Variants in PELP1 observed in about 807,000 individuals in gnomAD.
PELP1 encodes proline-, glutamic acid- and leucine-rich protein 1.
A neutral mutation model predicts 95.5 loss-of-function variants in PELP1; 32 were observed. The observed-to-expected ratio is 0.34, with a 90% CI of 0.25 to 0.45. The LOEUF (loss-of-function observed/expected upper bound fraction) is 0.45. PELP1 is among the 20% of genes least tolerant of loss of function. The probability of loss-of-function intolerance (pLI) is 1.00; values close to 1 mark genes in which losing one functional copy is unlikely to be tolerated. For synonymous variants in PELP1, 668 were observed against 600.1 expected (o/e 1.11, Z -1.65); for missense variants, 1,358 against 1,444.8 (o/e 0.94, Z 0.97).
chr17:4,682,697 C>A, intron 4 of PELP1, 106 bp downstream of exon 4: 1 of 1,455,844 alleles, frequency 6.9e-7, no homozygotes. Context: ...TCCCTCTTCT[C>A]ACTTCTTCAA....
In PELP1 at chr17:4,673,375, G is replaced by A. The variant is rs756387443; in HGVS notation, c.1720C>T (p.Arg574Cys). Residue 574 changes from arginine to cysteine, a missense_variant, in exon 15 of 17, where the codon CGC (arginine) becomes TGC (cysteine). Transcript: ENST00000572293. The surrounding 1 kb of genome is among the most constrained non-coding windows in gnomAD (Gnocchi z 5.7). ...AGGCAGTAGAGTTCACGGCGGCAGC[G>A]GGAGCTCGTGTACGGGGAGCTGCCT... ...VLGSSPYTSS[R>C]CRRELYCLLL... 1.3e-5 allele frequency: 21 copies of A among 1,596,948 alleles called. No homozygotes were observed. The highest frequency in any genetic ancestry group is 7.9e-5 in the South Asian group (7 of 88,358).
At position 4,671,964 on chromosome 17, in the gene PELP1, C is replaced by T. The variant is rs762783333; in HGVS notation, c.3027G>A (p.Val1009=). 6.5e-7 allele frequency: 1 copy of T among 1,537,246 alleles called. No homozygotes were observed. The highest frequency in any genetic ancestry group is 8.7e-7 in the Non-Finnish European group (1 of 1,147,122). Residue 1009 remains valine, a synonymous_variant, in exon 16 of 17, where the codon GTG becomes GTA. Coordinates refer to ENST00000572293, the MANE Select transcript of PELP1 (RefSeq NM_014389.3). ...PEPEPGLLLE[V]EEPGTEEERG... The stretch of plus-strand genomic sequence containing the variant: ...GCTCCTCCTCCGTCCCTGGCTCCTC[C>T]ACTTCCAAAAGCAGCCCGGGTTCAG...
chr17:4,672,753 G>C lies in PELP1; in HGVS notation c.2238C>G (p.Pro746=). 1 of 1,613,558 alleles carries C rather than the reference G, an allele frequency of 6.2e-7. No individual in the cohort carries two copies. Among genetic ancestry groups the C allele is most frequent in the Non-Finnish European group, 8.5e-7 (1 of 1,179,682 alleles). ...EDPILAPSGT[P]PPTIPPDETF... ...TTTCATCTGGGGGTATAGTAGGTGGGGGAGTCCCACTAGGGGCAAGGATGG... is the reference window on the plus strand; with the variant it reads ...TTTCATCTGGGGGTATAGTAGGTGGCGGAGTCCCACTAGGGGCAAGGATGG... Residue 746 remains proline (P), a synonymous_variant, in exon 16 of 17, where the codon CCC becomes CCG. Coordinates refer to ENST00000572293, the MANE Select transcript of PELP1 (RefSeq NM_014389.3).
chr17:4,695,921 C>A (rs1457746056), intron 1 of PELP1, among the ~76,000 whole-genome samples: 1 of 151,456 alleles, frequency 6.6e-6, no homozygotes, highest in Non-Finnish European at 1.5e-5. Flanking sequence ...CCCACCTTGG[C>A]CTCCGAAAGT....
chr17:4,683,205 T>G (rs551578431), intron 3 of PELP1: 1 of 584,662 alleles, frequency 1.7e-6, no homozygotes, highest in Non-Finnish European at 2.4e-6. Flanking sequence ...AAAGACCTGA[T>G]TAACTGAAGA....
intron 16 of PELP1, 64 bp downstream of exon 16, chr17:4,671,627 G>A: frequency 6.2e-7 from 1 of 1,600,310 alleles, no homozygotes; most frequent in South Asian, 1.1e-5. Flanking sequence ...AGAAGCAGCT[G>A]CCACCCCTTC....
intron 5 of PELP1, among the ~76,000 whole-genome samples, chr17:4,680,711 TTG>T (rs1442451451): frequency 1.3e-5 from 2 of 152,238 alleles, no homozygotes; most frequent in African/African-American, 4.8e-5. Context: ...CTCTAGAGAT[TTG>T]TGTTTCCATC....
At chr17:4,700,520 T>G (rs1913482289) in intron 1 of PELP1, among the ~76,000 whole-genome samples, 1 of 152,094 alleles carries the variant, frequency 6.6e-6, no homozygotes, top group Non-Finnish European at 1.5e-5. Flanking sequence ...GGCAGGTGCC[T>G]GTAATCCCAG....
In PELP1 at chr17:4,672,194, C is replaced by G. The variant is rs1429951429; in HGVS notation, c.2797G>C (p.Glu933Gln). 13 of 1,552,440 alleles carry G rather than the reference C, an allele frequency of 8.4e-6. No homozygotes were observed. In the East Asian group the frequency reaches 2.9e-4, roughly 35 times the overall value. The change falls in exon 16 of 17, where the codon GAA becomes CAA. Residue 933 changes from glutamate to glutamine, a missense_variant. Physicochemically the swap from Glu to Gln is conservative, Grantham distance 29 (BLOSUM62 2). Coordinates refer to ENST00000572293, the MANE Select transcript of PELP1 (RefSeq NM_014389.3). ...EEEEEEEEFE[E>Q]EFEEEEGELE... Reference sequence around the variant, plus strand: ...TCACCTTCTTCTTCCTCAAATTCTTCCTCAAACTCTTCTTCCTCCTCTTCT... The same window carrying G: ...TCACCTTCTTCTTCCTCAAATTCTTGCTCAAACTCTTCTTCCTCCTCTTCT...
In PELP1 at chr17:4,670,023, CAT is replaced by C. The variant is rs1409865632; in HGVS notation, c.*1414_*1415del. 3.9e-5 allele frequency: 6 copies of C among 152,226 alleles called. No individual in the cohort carries two copies. Among genetic ancestry groups the C allele is most frequent in the South Asian group, 2.1e-4 (1 of 4,826 alleles). The allele number at this position is 152,226 out of a possible 1,614,324, so 9.4% of individuals were successfully genotyped here. A position where few individuals can be genotyped will look rare whatever the true frequency, so the allele number is the denominator to read the frequency against. ...CAGATATATGGGTGTAATATAGATACATGTCTACATGTAGATACGCAGTTTAT... is the reference window on the plus strand; with the variant it reads ...CAGATATATGGGTGTAATATAGATACGTCTACATGTAGATACGCAGTTTAT... On this transcript the variant is annotated 3_prime_UTR_variant, in exon 17 of 17. Coordinates refer to ENST00000572293, the MANE Select transcript of PELP1 (RefSeq NM_014389.3).
rs139357961 is a variant in PELP1, at chr17:4,694,390, G to A, written c.250-2948C>T. On this transcript the variant is annotated intron_variant, in intron 1 of 16. Transcript: ENST00000572293. ...ACTGTGGCCGGGCGCAGTGGCTCAT[G>A]CCTATAATCCCAGTACTTTGGGAGG... Among the ~76,000 whole-genome samples, 931 of 151,436 alleles carry A rather than the reference G, an allele frequency of 6.1e-3. 9 individuals are homozygous for A. Among genetic ancestry groups the A allele is most frequent in the African/African-American group, 0.021 (869 of 41,248 alleles).
intron 3 of PELP1, among the ~76,000 whole-genome samples, chr17:4,685,136 G>T (rs964379556): frequency 6.6e-6 from 1 of 151,696 alleles, no homozygotes; most frequent in Non-Finnish European, 1.5e-5. Flanking sequence ...TTCTTATCCC[G>T]TGCCAGTCTG....
At chr17:4,679,090 G>A (rs868103150) in intron 5 of PELP1, among the ~76,000 whole-genome samples, 1 of 151,554 alleles carries the variant, frequency 6.6e-6, no homozygotes. Flanking sequence ...GCAGTGCCAC[G>A]ATCTCAGCTC....
chr17:4,674,774 G>C (rs1413695702), intron 12 of PELP1, 35 bp downstream of exon 12: 4 of 1,595,702 alleles, frequency 2.5e-6, no homozygotes, highest in African/African-American at 1.3e-5. Flanking sequence ...AAAGGGCACA[G>C]GATGAGTCCT....
In PELP1 at chr17:4,672,303, CTCT is replaced by C. The variant is rs543663593; in HGVS notation, c.2685_2687del (p.Glu908del). 7,215 of 1,551,056 alleles carry C rather than the reference CTCT, an allele frequency of 4.7e-3. 21 individuals are homozygous for C. Among genetic ancestry groups the C allele is most frequent in the Non-Finnish European group, 4.8e-3 (5,463 of 1,146,524 alleles). ...CCTCTTCTTCCTCTTCTTCTTCTTC[CTCT>C]TCTTCCTCTTCCTCCTCCTCTTCAT... On this transcript the variant is annotated inframe_deletion, in exon 16 of 17. Coordinates refer to ENST00000572293, the MANE Select transcript of PELP1 (RefSeq NM_014389.3).
chr17:4,683,510 C>CTGT (rs1912789538), intron 3 of PELP1, among the ~76,000 whole-genome samples: 5 of 133,188 alleles, frequency 3.8e-5, no homozygotes, highest in African/African-American at 1.3e-4. Context: ...TGAGCCATCA[C>CTGT]GCCCAGCTGA....
chr17:4,684,981 G>A (rs903831170), intron 3 of PELP1, among the ~76,000 whole-genome samples: 2 of 152,114 alleles, frequency 1.3e-5, no homozygotes, highest in African/African-American at 4.8e-5. Context: ...TTACAGGGGT[G>A]AGCCACCAAA....
In PELP1 at chr17:4,673,313, G is replaced by A. The variant is rs369428193; in HGVS notation, c.1782C>T (p.Cys594=). The A allele has an allele frequency of 1.7e-4, 263 of 1,586,052 alleles. No homozygotes were observed. The highest frequency in any genetic ancestry group is 2.1e-4 in the Non-Finnish European group (247 of 1,166,264). Residue 594 remains cysteine (C), a synonymous_variant, in exon 15 of 17, where the codon TGC becomes TGT. Transcript: ENST00000572293. This position sits in a 1 kb window ranked among gnomAD's most constrained non-coding sequence, Gnocchi z 5.7. ...LALLLAPSPR[C]PPPLACALQA... is the part of the protein sequence containing the mutation. Reference sequence around the variant, plus strand: ...GCAGGGCACAGGCAAGAGGAGGTGGGCAGCGAGGAGACGGGGCCAGCAGCA... The same window carrying A: ...GCAGGGCACAGGCAAGAGGAGGTGGACAGCGAGGAGACGGGGCCAGCAGCA...
At chr17:4,683,795 G>A (rs1382940678) in intron 3 of PELP1, among the ~76,000 whole-genome samples, 1 of 142,786 alleles carries the variant, frequency 7.0e-6, no homozygotes, top group Non-Finnish European at 1.5e-5. Flanking sequence ...ACTCCAAAGT[G>A]CTAGGATTAC....
Sources: allele counts gnomAD v4.1 joint callset (sites outside exome capture counted in the v4.1 genomes callset), GRCh38; gene constraint gnomAD v4.1.1; non-coding constraint Gnocchi (gnomAD v3.1); transcripts MANE v1.5; gene names NCBI Gene and HGNC (gene_info 2026-07-23, HGNC 2026-07-21).